The following ERN1 variants were observed in gnomAD, a reference collection of about 807,000 sequenced individuals.
ERN1 encodes endoplasmic reticulum to nucleus signaling 1.
In ERN1, 39 loss-of-function variants were observed where a neutral mutation model predicts 113.1. That is an observed-to-expected ratio of 0.34 (90% CI 0.27 to 0.45). ERN1 has a LOEUF of 0.45. ERN1 is among the 20% of genes least tolerant of loss of function. The pLI, the probability that ERN1 is intolerant of heterozygous loss-of-function variation, is 1.00. For missense variants in ERN1, 976 were observed against 1,274.8 expected, an observed-to-expected ratio of 0.77 and a Z score of 3.57; for synonymous variants, 507 against 515.9, an observed-to-expected ratio of 0.98 and a Z score of 0.23.
chr17:64,094,666 G>A (rs1341032504), intron 2 of ERN1, among the ~76,000 whole-genome samples: 1 of 141,612 alleles, frequency 7.1e-6, no homozygotes, highest in Non-Finnish European at 1.5e-5. Context: ...CCTTTGACCC[G>A]CTATGCCGGC....
At position 64,125,292 on chromosome 17, in the gene ERN1, AT is replaced by A. The variant is rs550401301; in HGVS notation, c.54+4683del. On this transcript the variant is annotated intron_variant, in intron 1 of 21. Coordinates refer to ENST00000433197, the MANE Select transcript of ERN1 (RefSeq NM_001433.5). Reference sequence around the variant, plus strand: ...CTTTGAGATAATGCCTCAAAAAAAAATATCTTCCCCTGTTATCATACAGAAA... The same window carrying A: ...CTTTGAGATAATGCCTCAAAAAAAAAATCTTCCCCTGTTATCATACAGAAA... Among the ~76,000 whole-genome samples the A allele has an allele frequency of 3.1e-4, 47 of 152,304 alleles. 1 individual carries two copies. Among genetic ancestry groups the A allele is most frequent in the African/African-American group, 8.9e-4 (37 of 41,558 alleles).
Position 64,054,045 on chromosome 17 carries a change from T to G in ERN1, c.1953+205A>C. The G allele has an allele frequency of 2.0e-6, 1 of 494,948 alleles. No homozygotes were observed. Among genetic ancestry groups the G allele is most frequent in the Admixed American group, 3.4e-5 (1 of 29,178 alleles). The allele number at this position is 494,948 out of a possible 1,614,324, so 30.7% of individuals were successfully genotyped here. A position where few individuals can be genotyped will look rare whatever the true frequency, so the allele number is the denominator to read the frequency against. On this transcript the variant is annotated intron_variant, in intron 15 of 21. Transcript: ENST00000433197. This position sits in a 1 kb window ranked among gnomAD's most constrained non-coding sequence, Gnocchi z 4.9. The stretch of plus-strand genomic sequence containing the variant: ...GCCTTGATCTCCCAGGCTCAAGCAA[T>G]CTTCCCACCTCAGCCTCCCAAGTAG...
In ERN1 at chr17:64,119,376, G is replaced by GTTGTTTTTTTTTTTGT. The variant is rs777806993; in HGVS notation, c.54+10599_54+10600insACAAAAAAAAAAACAA. On this transcript the variant is annotated intron_variant, in intron 1 of 21. Transcript: ENST00000433197. The stretch of plus-strand genomic sequence containing the variant: ...TAATATTAGGTTCCTTTTTTTCTAG[G>GTTGTTTTTTTTTTTGT]TTTTTTTTTTTTTTTTTTTTTTTTT... Among the ~76,000 whole-genome samples, 40 of 77,896 alleles carry GTTGTTTTTTTTTTTGT rather than the reference G, an allele frequency of 5.1e-4. 1 individual carries two copies. Among genetic ancestry groups the GTTGTTTTTTTTTTTGT allele is most frequent in the African/African-American group, 2.2e-3 (39 of 17,930 alleles). The allele number at this position is 77,896 out of a possible 152,430, so 51.1% of individuals were successfully genotyped here.
At chr17:64,066,015 C>A (rs188490342) in intron 8 of ERN1, among the ~76,000 whole-genome samples, 85 of 152,190 alleles carry the variant, frequency 5.6e-4, no homozygotes, top group Non-Finnish European at 1.1e-3. Flanking sequence ...CACTTGCCGG[C>A]ATATTATCTT....
chr17:64,045,325 C>A (rs775863870), intron 20 of ERN1, 34 bp downstream of exon 20: 1 of 1,612,640 alleles, frequency 6.2e-7, no homozygotes, highest in South Asian at 1.1e-5. Context: ...GCGACTTTTG[C>A]AACCTGCCCT....
intron 2 of ERN1, among the ~76,000 whole-genome samples, chr17:64,086,105 G>A (rs917013487): frequency 1.3e-5 from 2 of 151,974 alleles, no homozygotes; most frequent in African/African-American, 4.8e-5. Flanking sequence ...CTCCTCCTTT[G>A]CCTATAAACA....
intron 1 of ERN1, among the ~76,000 whole-genome samples, chr17:64,122,261 G>A (rs1332936395): frequency 6.6e-6 from 1 of 152,166 alleles, no homozygotes; most frequent in Non-Finnish European, 1.5e-5. Flanking sequence ...GACAGAGCAG[G>A]GTAGTAATTT....
At chr17:64,117,015 G>A (rs957930039) in intron 1 of ERN1, among the ~76,000 whole-genome samples, 22 of 151,826 alleles carry the variant, frequency 1.4e-4, no homozygotes, top group African/African-American at 5.3e-4. Context: ...GGGAGGCTGA[G>A]GCAGGAGAAT....
At chr17:64,086,482 A>G (rs1315450948) in intron 2 of ERN1, among the ~76,000 whole-genome samples, 4 of 152,120 alleles carry the variant, frequency 2.6e-5, no homozygotes, top group South Asian at 4.1e-4. Context: ...GTATTCTACT[A>G]TAAGAATTTA....
At chr17:64,102,555 G>A in intron 1 of ERN1, 2 of 711,444 alleles carry the variant, frequency 2.8e-6, no homozygotes, top group Non-Finnish European at 3.5e-6. Flanking sequence ...TTTCCCCTCT[G>A]GCATTTTTAA....
chr17:64,066,267 A>T (rs1051565833), intron 8 of ERN1, among the ~76,000 whole-genome samples: 2 of 152,114 alleles, frequency 1.3e-5, no homozygotes, highest in Non-Finnish European at 1.5e-5. Flanking sequence ...ATAGATCCAA[A>T]CTATACTTAC....
At chr17:64,124,946 T>C (rs567047934) in intron 1 of ERN1, among the ~76,000 whole-genome samples, 20 of 152,262 alleles carry the variant, frequency 1.3e-4, no homozygotes, top group African/African-American at 3.6e-4. Context: ...AGAAAGTAGA[T>C]TTGTGGTTGC....
chr17:64,039,359 T>C lies in ERN1; in HGVS notation c.*4629A>G, dbSNP rs1165962991. The C allele has an allele frequency of 1.3e-5, 2 of 152,220 alleles. No individual in the cohort carries two copies. Among genetic ancestry groups the C allele is most frequent in the South Asian group, 2.1e-4 (1 of 4,830 alleles). The allele number at this position is 152,220 out of a possible 1,614,324, so 9.4% of individuals were successfully genotyped here. On this transcript the variant is annotated 3_prime_UTR_variant, in exon 22 of 22. Coordinates refer to ENST00000433197, the MANE Select transcript of ERN1 (RefSeq NM_001433.5). ...GGATTTTGGGTTCCACAAAGAAGAC[T>C]GTATCACACAATTAACACGTACTAA...
At chr17:64,081,049 C>T (rs1913751446) in intron 2 of ERN1, among the ~76,000 whole-genome samples, 1 of 152,172 alleles carries the variant, frequency 6.6e-6, no homozygotes, top group African/African-American at 2.4e-5. Flanking sequence ...GGATAGAGAA[C>T]TGAGACCAGA....
At chr17:64,058,437 T>C (rs1395169715) in intron 11 of ERN1, among the ~76,000 whole-genome samples, 2 of 152,200 alleles carry the variant, frequency 1.3e-5, no homozygotes, top group African/African-American at 4.8e-5. Context: ...CAGAGGCACA[T>C]GGCTAGAAAG....
intron 2 of ERN1, among the ~76,000 whole-genome samples, chr17:64,095,383 C>G (rs1051742403): frequency 6.6e-6 from 1 of 152,118 alleles, no homozygotes; most frequent in African/African-American, 2.4e-5. Flanking sequence ...GAGCCAAGAT[C>G]GCACCATTGC....
intron 1 of ERN1, among the ~76,000 whole-genome samples, chr17:64,123,388 A>C (rs1914999991): frequency 6.6e-6 from 1 of 152,204 alleles, no homozygotes; most frequent in South Asian, 2.1e-4. Flanking sequence ...ACATTTTCTC[A>C]ATAGCTTTTA....
Position 64,045,486 on chromosome 17 carries a change from T to C in ERN1, c.2530-4A>G, listed in dbSNP as rs753617068. Reference sequence around the variant, plus strand: ...TTTCTATTCTGTCGCTCACGTCCTGTGAGAGAAACAAGGGCAGCAGATGAT... The same window carrying C: ...TTTCTATTCTGTCGCTCACGTCCTGCGAGAGAAACAAGGGCAGCAGATGAT... On this transcript the variant is annotated splice_region_variant and splice_polypyrimidine_tract_variant and intron_variant, in intron 19 of 21. Coordinates refer to ENST00000433197, the MANE Select transcript of ERN1 (RefSeq NM_001433.5). 19 of 1,613,778 alleles carry C rather than the reference T, an allele frequency of 1.2e-5. 1 individual carries two copies. Among genetic ancestry groups the C allele is most frequent in the South Asian group, 2.2e-5 (2 of 91,092 alleles).
At chr17:64,089,466 G>A (rs1469872822) in intron 2 of ERN1, among the ~76,000 whole-genome samples, 1 of 151,968 alleles carries the variant, frequency 6.6e-6, no homozygotes, top group African/African-American at 2.4e-5. Flanking sequence ...AACATTTTGG[G>A]TTTCAGATTT....
Sources: gnomAD v4.1 joint callset for allele counts (sites outside exome capture counted in the v4.1 genomes callset) on GRCh38, gnomAD v4.1.1 for gene constraint, Gnocchi (gnomAD v3.1) non-coding constraint, MANE v1.5 for transcripts, NCBI Gene and HGNC (gene_info 2026-07-23, HGNC 2026-07-21) for gene names.